HDAC9: variants seen among roughly 807,000 people sequenced by gnomAD.
HDAC9 encodes the protein histone deacetylase 9, also known as MEF-2 interacting transcription repressor (MITR) protein.
Under a neutral mutation model 139.4 loss-of-function variants are expected in HDAC9, and 41 were observed. That is an observed-to-expected ratio of 0.29 (90% CI 0.23 to 0.38). HDAC9 has a LOEUF of 0.38. HDAC9 is among the 10% of genes least tolerant of loss of function. The probability of loss-of-function intolerance (pLI) is 1.00; values close to 1 mark genes in which losing one functional copy is unlikely to be tolerated. For missense variants in HDAC9, 1,147 were observed against 1,297.0 expected (o/e 0.88, Z 1.78); for synonymous variants, 517 against 476.2 (o/e 1.09, Z -1.12).
At chr7:18,255,971 G>A (rs181205253) in intron 2 of HDAC9, among the ~76,000 whole-genome samples, 4 of 152,240 alleles carry the variant, frequency 2.6e-5, no homozygotes, top group Admixed American at 2.0e-4. Flanking sequence ...TGTGATTAAG[G>A]AAGCATTGAA....
intron 22 of HDAC9, among the ~76,000 whole-genome samples, chr7:18,905,126 A>G (rs535787347): frequency 7.1e-6 from 1 of 140,000 alleles, no homozygotes; most frequent in Admixed American, 7.1e-5. Flanking sequence ...CTTCGCCTCA[A>G]GTGATCCACC....
intron 12 of HDAC9, among the ~76,000 whole-genome samples, chr7:18,681,767 A>G (rs916357794): frequency 1.3e-5 from 2 of 152,056 alleles, no homozygotes; most frequent in Admixed American, 6.6e-5. Context: ...TAAGTCACAC[A>G]GAGCATCCAT....
intron 24 of HDAC9, among the ~76,000 whole-genome samples, chr7:18,962,667 C>T (rs939775040): frequency 2.6e-5 from 4 of 152,130 alleles, no homozygotes; most frequent in African/African-American, 9.7e-5. Flanking sequence ...TGATCACATA[C>T]TCAGGTGTTA....
chr7:18,495,768 G>A lies in HDAC9; in HGVS notation c.-297G>A, dbSNP rs1378746538. On this transcript the variant is annotated 5_prime_UTR_variant, in exon 1 of 26. Coordinates refer to ENST00000686413, the MANE Select transcript of HDAC9 (RefSeq NM_178425.4). ...AAGGGGGAAGAGAGGCACAGACACA[G>A]ATAGGAGAAGGGCACCGGCTGGAGC... The A allele has an allele frequency of 2.0e-6, 2 of 994,300 alleles. No individual in the cohort carries two copies. Among genetic ancestry groups the A allele is most frequent in the Non-Finnish European group, 1.2e-6 (1 of 836,048 alleles). The allele number at this position is 994,300 out of a possible 1,614,324, so 61.6% of individuals were successfully genotyped here. A position where few individuals can be genotyped will look rare whatever the true frequency, so the allele number is the denominator to read the frequency against.
chr7:18,965,675 G>A (rs1288373982), intron 24 of HDAC9, among the ~76,000 whole-genome samples: 1 of 152,330 alleles, frequency 6.6e-6, no homozygotes, highest in South Asian at 2.1e-4. Context: ...ATAGCTCAGA[G>A]TTATTTCATG....
chr7:18,540,103 CAAAAAAAA>C (rs34620445), intron 2 of HDAC9, among the ~76,000 whole-genome samples: 1 of 58,434 alleles, frequency 1.7e-5, no homozygotes. Flanking sequence ...ACTAAAAATA[CAAAAAAAA>C]AAAAAAAAAA....
At chr7:18,237,353 C>G (rs1793891267) in intron 2 of HDAC9, among the ~76,000 whole-genome samples, 1 of 152,130 alleles carries the variant, frequency 6.6e-6, no homozygotes, top group Non-Finnish European at 1.5e-5. Context: ...TTTATTAAAG[C>G]TTGGAAACAT....
intron 1 of HDAC9, among the ~76,000 whole-genome samples, chr7:18,453,474 C>CTA (rs1207864438): frequency 1.3e-5 from 2 of 152,114 alleles, no homozygotes; most frequent in Non-Finnish European, 2.9e-5. Context: ...ACAGTATTCA[C>CTA]AGTAGCTGCC....
intron 22 of HDAC9, among the ~76,000 whole-genome samples, chr7:18,926,105 C>G (rs1804202920): frequency 6.6e-6 from 1 of 152,054 alleles, no homozygotes; most frequent in Admixed American, 6.6e-5. Context: ...TCCCAGAACT[C>G]TGGGAGGCCG....
chr7:18,561,939 G>A (rs752395501), intron 2 of HDAC9, among the ~76,000 whole-genome samples: 23 of 152,188 alleles, frequency 1.5e-4, no homozygotes, highest in Non-Finnish European at 2.5e-4. Flanking sequence ...ATGTCTTTTT[G>A]TTTGCATATA....
chr7:18,893,109 A>C (rs185874706), intron 22 of HDAC9, among the ~76,000 whole-genome samples: 1 of 151,902 alleles, frequency 6.6e-6, no homozygotes, highest in Non-Finnish European at 1.5e-5. Context: ...AAGAACAGAC[A>C]TGCAAACACC....
intron 1 of HDAC9, among the ~76,000 whole-genome samples, chr7:18,321,351 C>G (rs975810743): frequency 6.6e-6 from 1 of 152,152 alleles, no homozygotes; most frequent in African/African-American, 2.4e-5. Flanking sequence ...CTACTTGTTT[C>G]ACATGTGTTT....
chr7:18,756,711 C>T (rs1788907672), intron 14 of HDAC9, among the ~76,000 whole-genome samples: 1 of 152,180 alleles, frequency 6.6e-6, no homozygotes, highest in African/African-American at 2.4e-5. Flanking sequence ...ATAGAGATAT[C>T]TCATGGCTGA....
intron 2 of HDAC9, among the ~76,000 whole-genome samples, chr7:18,558,175 A>G (rs535932553): frequency 1.3e-5 from 2 of 152,284 alleles, no homozygotes; most frequent in South Asian, 4.1e-4. Flanking sequence ...ATCATTATTA[A>G]TGGTTAGTCT....
intron 2 of HDAC9, among the ~76,000 whole-genome samples, chr7:18,218,124 C>A (rs1350981327): frequency 4.6e-5 from 7 of 152,144 alleles, no homozygotes; most frequent in Non-Finnish European, 1.0e-4. Flanking sequence ...GTGGAAGCTA[C>A]AATGTCTTTT....
intron 2 of HDAC9, among the ~76,000 whole-genome samples, chr7:18,533,480 A>T (rs1809747374): frequency 6.6e-6 from 1 of 152,056 alleles, no homozygotes; most frequent in Non-Finnish European, 1.5e-5. Context: ...TTTTTCAATG[A>T]TAGATTTGTA....
chr7:18,901,906 T>C (rs1801759493), intron 22 of HDAC9, among the ~76,000 whole-genome samples: 1 of 152,228 alleles, frequency 6.6e-6, no homozygotes, highest in African/African-American at 2.4e-5. Context: ...TTATGCCAGA[T>C]TCAATTTAGT....
At chr7:18,670,841 A>G (rs1795630306) in intron 12 of HDAC9, among the ~76,000 whole-genome samples, 1 of 151,314 alleles carries the variant, frequency 6.6e-6, no homozygotes, top group Non-Finnish European at 1.5e-5. Flanking sequence ...GCTTCTATAA[A>G]TTGTGAGATT....
At chr7:18,657,244 G>C (rs1055346141) in intron 11 of HDAC9, among the ~76,000 whole-genome samples, 1 of 152,060 alleles carries the variant, frequency 6.6e-6, no homozygotes, top group Non-Finnish European at 1.5e-5. Context: ...TCATTTTGCT[G>C]ATTGTTTCCT....
Sources: allele counts gnomAD v4.1 joint callset (sites outside exome capture counted in the v4.1 genomes callset), GRCh38; gene constraint gnomAD v4.1.1; transcripts MANE v1.5; gene names NCBI Gene and HGNC (gene_info 2026-07-23, HGNC 2026-07-21).